The following ATG7 variants were observed in gnomAD, a reference collection of about 807,000 sequenced individuals.
ATG7 encodes the protein autophagy related 7, also known as ubiquitin-like modifier-activating enzyme ATG7.
Under a neutral mutation model 82.4 loss-of-function variants are expected in ATG7, and 70 were observed. The ratio of observed to expected loss-of-function variants is 0.85; its 90% CI spans 0.70 to 1.04. The LOEUF is 1.04. ATG7 is among the 50% of genes least tolerant of loss of function. The pLI is 0.00. For missense variants in ATG7, 792 were observed against 864.3 expected, an observed-to-expected ratio of 0.92 and a Z score of 1.05; for synonymous variants, 287 against 313.0, an observed-to-expected ratio of 0.92 and a Z score of 0.88.
intron 20 of ATG7, among the ~76,000 whole-genome samples, chr3:11,481,713 C>G (rs1382971835): frequency 6.6e-6 from 1 of 152,220 alleles, no homozygotes; most frequent in African/African-American, 2.4e-5. Context: ...GAGCACAGGG[C>G]TTCAGCTCCT....
At chr3:11,566,721 A>C in the ATG7 span, among the ~76,000 whole-genome samples, 1 of 152,140 alleles carries the variant, frequency 6.6e-6, no homozygotes, top group Non-Finnish European at 1.5e-5. Context: ...GCTGCAGTGT[A>C]GAATCCCAAG....
At chr3:11,573,306 A>AAT in the ATG7 span, among the ~76,000 whole-genome samples, 1 of 14,054 alleles carries the variant, frequency 7.1e-5, no homozygotes, top group Non-Finnish European at 1.2e-4. Flanking sequence ...AAAGAAAGAA[A>AAT]GGAAGGAAGG....
At chr3:11,326,344 G>C (rs753315762) in intron 9 of ATG7, among the ~76,000 whole-genome samples, 6 of 151,846 alleles carry the variant, frequency 4.0e-5, no homozygotes, top group Non-Finnish European at 8.8e-5. Flanking sequence ...TGTCACCCAG[G>C]CTGGAGTGCA....
intron 12 of ATG7, 76 bp downstream of exon 12, chr3:11,340,811 C>T: frequency 7.4e-7 from 1 of 1,350,454 alleles, no homozygotes; most frequent in Non-Finnish European, 1.0e-6. Context: ...CAGGCCAACA[C>T]AACATTGTGT....
At chr3:11,488,698 G>A (rs1046540132) in intron 20 of ATG7, among the ~76,000 whole-genome samples, 2 of 152,172 alleles carry the variant, frequency 1.3e-5, no homozygotes, top group Non-Finnish European at 2.9e-5. Context: ...TATATGCTAG[G>A]TTACATTTAT....
At chr3:11,473,821 T>C (rs2087814941) in intron 20 of ATG7, among the ~76,000 whole-genome samples, 1 of 152,236 alleles carries the variant, frequency 6.6e-6, no homozygotes, top group East Asian at 1.9e-4. Context: ...AGTTTCATAA[T>C]ATACCAATTC....
intron 18 of ATG7, among the ~76,000 whole-genome samples, chr3:11,378,402 G>T (rs2077594958): frequency 6.6e-6 from 1 of 151,306 alleles, no homozygotes; most frequent in Admixed American, 6.6e-5. Flanking sequence ...ATAAATTCGG[G>T]CTGGGCGCGG....
At chr3:11,450,753 G>A (rs1007126788) in intron 20 of ATG7, among the ~76,000 whole-genome samples, 3 of 152,190 alleles carry the variant, frequency 2.0e-5, no homozygotes, top group African/African-American at 7.2e-5. Context: ...TACCGTTTGT[G>A]AACAGTCTTC....
intron 20 of ATG7, among the ~76,000 whole-genome samples, chr3:11,472,800 C>T (rs1321380299): frequency 6.6e-6 from 1 of 152,034 alleles, no homozygotes; most frequent in East Asian, 1.9e-4. Flanking sequence ...TCTGATAGCT[C>T]CAGTGTTTGT....
At chr3:11,315,610 A>G in intron 9 of ATG7, 117 bp downstream of exon 9, 5 of 939,732 alleles carry the variant, frequency 5.3e-6, no homozygotes, top group Non-Finnish European at 7.4e-6. Flanking sequence ...CCTTCAAAGG[A>G]TGTTTAAGAA....
chr3:11,441,670 A>AT (rs35365064), intron 20 of ATG7, among the ~76,000 whole-genome samples: 88 of 110,284 alleles, frequency 8.0e-4, no homozygotes, highest in African/African-American at 2.1e-3. Context: ...TTTTTTTTTA[A>AT]TTTTTTTTTT....
intron 9 of ATG7, among the ~76,000 whole-genome samples, chr3:11,328,271 T>C (rs552460765): frequency 1.3e-5 from 2 of 152,322 alleles, no homozygotes; most frequent in East Asian, 3.9e-4. Flanking sequence ...ATTTCCTCCA[T>C]GATTAAACTG....
At chr3:11,381,238 A>C (rs551127501) in intron 19 of ATG7, among the ~76,000 whole-genome samples, 1 of 152,298 alleles carries the variant, frequency 6.6e-6, no homozygotes, top group African/African-American at 2.4e-5. Flanking sequence ...GGATGTCTGC[A>C]TGCACCCCCA....
intron 13 of ATG7, among the ~76,000 whole-genome samples, chr3:11,344,262 C>G (rs1173351064): frequency 6.6e-6 from 1 of 152,176 alleles, no homozygotes; most frequent in East Asian, 1.9e-4. Flanking sequence ...ATAAGATTGG[C>G]TAGAACTCCA....
At chr3:11,573,245 GAGAAAGAAAGAA>G in the ATG7 span, among the ~76,000 whole-genome samples, 1,242 of 78,682 alleles carry the variant, frequency 0.016, 36 homozygotes, top group Middle Eastern at 0.031. Context: ...AAAAGAAATA[GAGAAAGAAAGAA>G]AGAAAGAAAG....
chr3:11,332,455 A>G (rs1023744745), intron 10 of ATG7, among the ~76,000 whole-genome samples: 3 of 152,180 alleles, frequency 2.0e-5, no homozygotes, highest in African/African-American at 4.8e-5. Flanking sequence ...TTAAATAAAA[A>G]TGTTTATTTA....
At chr3:11,519,539 G>GTTTTTGTTTTTTT (rs2092377331) in intron 20 of ATG7, among the ~76,000 whole-genome samples, 6 of 62,154 alleles carry the variant, frequency 9.7e-5, no homozygotes, top group Non-Finnish European at 2.0e-4. Flanking sequence ...AGTGAGAGGA[G>GTTTTTGTTTTTTT]TTTTTTTTTT....
intron 20 of ATG7, among the ~76,000 whole-genome samples, chr3:11,474,607 C>CA (rs1378788938): frequency 6.6e-6 from 1 of 151,902 alleles, no homozygotes; most frequent in African/African-American, 2.4e-5. Flanking sequence ...CTCCCCATCT[C>CA]AAAAAAAGAA....
At chr3:11,336,978 G>A (rs931958374) in intron 11 of ATG7, among the ~76,000 whole-genome samples, 2 of 152,268 alleles carry the variant, frequency 1.3e-5, no homozygotes, top group South Asian at 2.1e-4. Flanking sequence ...CAGTCGAGGA[G>A]TATTATTTTA....
Sources: gnomAD v4.1 joint callset for allele counts (sites outside exome capture counted in the v4.1 genomes callset) on GRCh38, gnomAD v4.1.1 for gene constraint, MANE v1.5 for transcripts, NCBI Gene and HGNC (gene_info 2026-07-23, HGNC 2026-07-21) for gene names.